The following KCTD16 variants were observed in gnomAD, a reference collection of about 807,000 sequenced individuals.
KCTD16 encodes BTB/POZ domain-containing protein KCTD16.
Under a neutral mutation model 33.2 loss-of-function variants are expected in KCTD16, and 13 were observed. The observed-to-expected ratio is 0.39, with a 90% CI of 0.25 to 0.62. The LOEUF is 0.62. Among genes scored for constraint, KCTD16 ranks in the 20% least tolerant of loss-of-function variants. The probability of loss-of-function intolerance (pLI) is 0.50; values close to 1 mark genes in which losing one functional copy is unlikely to be tolerated. For missense variants in KCTD16, 441 were observed against 525.1 expected, an observed-to-expected ratio of 0.84 and a Z score of 1.57; for synonymous variants, 197 against 195.3, an observed-to-expected ratio of 1.01 and a Z score of -0.07.
At chr5:144,318,389 C>T (rs1172004577) in intron 3 of KCTD16, among the ~76,000 whole-genome samples, 1 of 152,140 alleles carries the variant, frequency 6.6e-6, no homozygotes, top group Non-Finnish European at 1.5e-5. Context: ...AAGGGAATGT[C>T]TGTGTGACAG....
At chr5:144,293,273 G>T (rs1239538961) in intron 3 of KCTD16, among the ~76,000 whole-genome samples, 1 of 152,004 alleles carries the variant, frequency 6.6e-6, no homozygotes, top group Non-Finnish European at 1.5e-5. Context: ...TTAAAAACTT[G>T]TGTTATGATA....
intron 3 of KCTD16, among the ~76,000 whole-genome samples, chr5:144,278,077 G>A (rs1755487206): frequency 6.6e-6 from 1 of 152,066 alleles, no homozygotes; most frequent in Non-Finnish European, 1.5e-5. Context: ...TTTTGGTAGT[G>A]TATCTAAGAA....
intron 3 of KCTD16, among the ~76,000 whole-genome samples, chr5:144,265,391 G>A (rs144046528): frequency 1.3e-5 from 2 of 152,102 alleles, no homozygotes; most frequent in African/African-American, 2.4e-5. Context: ...TATTCATAAG[G>A]AGAATGACTA....
chr5:144,425,515 C>T (rs529332584), intron 3 of KCTD16, among the ~76,000 whole-genome samples: 35 of 152,018 alleles, frequency 2.3e-4, no homozygotes, highest in Non-Finnish European at 2.9e-4. Flanking sequence ...ACTCTACTCC[C>T]GCAAGTTTCT....
At chr5:144,205,279 G>C (rs965141350) in intron 2 of KCTD16, 3 of 337,228 alleles carry the variant, frequency 8.9e-6, no homozygotes, top group Non-Finnish European at 1.1e-5. Context: ...ACCTGTCACC[G>C]AGGAGGACGT....
intron 3 of KCTD16, among the ~76,000 whole-genome samples, chr5:144,417,371 T>C (rs982331129): frequency 6.6e-6 from 1 of 152,180 alleles, no homozygotes; most frequent in African/African-American, 2.4e-5. Context: ...TAATGACTAA[T>C]GAAATCAGGC....
intron 3 of KCTD16, among the ~76,000 whole-genome samples, chr5:144,236,497 C>A (rs566599624): frequency 2.6e-5 from 4 of 152,040 alleles, no homozygotes; most frequent in South Asian, 2.1e-4. Context: ...ATTAATTATA[C>A]CTACTAAAAA....
intron 3 of KCTD16, among the ~76,000 whole-genome samples, chr5:144,303,250 A>G (rs1751493336): frequency 6.6e-6 from 1 of 152,206 alleles, no homozygotes; most frequent in South Asian, 2.1e-4. Context: ...TATTAGAATT[A>G]TATCACTTCA....
chr5:144,233,411 G>A (rs1319024604), intron 3 of KCTD16, among the ~76,000 whole-genome samples: 1 of 152,014 alleles, frequency 6.6e-6, no homozygotes. Flanking sequence ...GTTTCCATCT[G>A]ATTTTTGTAA....
chr5:144,270,396 A>G (rs1335439032), intron 3 of KCTD16, among the ~76,000 whole-genome samples: 1 of 151,962 alleles, frequency 6.6e-6, no homozygotes, highest in Non-Finnish European at 1.5e-5. Context: ...GTAAAACTGG[A>G]AAACTCAAAA....
At chr5:144,289,717 C>T (rs1755842077) in intron 3 of KCTD16, among the ~76,000 whole-genome samples, 1 of 151,940 alleles carries the variant, frequency 6.6e-6, no homozygotes, top group African/African-American at 2.4e-5. Flanking sequence ...CTATCTATTT[C>T]AATGAAAATC....
chr5:144,289,866 A>T (rs750593578), intron 3 of KCTD16, among the ~76,000 whole-genome samples: 3 of 152,186 alleles, frequency 2.0e-5, no homozygotes, highest in Non-Finnish European at 2.9e-5. Flanking sequence ...CTGGAAATGC[A>T]TCTTATACCA....
Position 144,480,955 on chromosome 5 carries a change from A to T in KCTD16, c.*6841A>T, listed in dbSNP as rs968121061. 1 of 151,990 alleles carries T rather than the reference A, an allele frequency of 6.6e-6. No homozygotes were observed. Among genetic ancestry groups the T allele is most frequent in the African/African-American group, 2.4e-5 (1 of 41,414 alleles). The allele number at this position is 151,990 out of a possible 1,614,324, so 9.4% of individuals were successfully genotyped here. On this transcript the variant is annotated 3_prime_UTR_variant, in exon 4 of 4. Transcript: ENST00000512467. ...ACCAGTTTAAATGTGTATAGAAATTATATGTATGGAAATTATTTGAAGTTA... is the reference window on the plus strand; with the variant it reads ...ACCAGTTTAAATGTGTATAGAAATTTTATGTATGGAAATTATTTGAAGTTA...
intron 3 of KCTD16, among the ~76,000 whole-genome samples, chr5:144,350,710 A>C (rs541828283): frequency 6.6e-6 from 1 of 152,170 alleles, no homozygotes; most frequent in East Asian, 1.9e-4. Context: ...AGCATCAGGC[A>C]ATTTATATTT....
chr5:144,263,366 A>G (rs565557567), intron 3 of KCTD16, among the ~76,000 whole-genome samples: 24 of 152,286 alleles, frequency 1.6e-4, no homozygotes, highest in Non-Finnish European at 3.1e-4. Flanking sequence ...TATTATTATA[A>G]TTATTAAGTC....
At chr5:144,425,316 T>A (rs947951362) in intron 3 of KCTD16, among the ~76,000 whole-genome samples, 5 of 152,016 alleles carry the variant, frequency 3.3e-5, no homozygotes, top group African/African-American at 1.2e-4. Flanking sequence ...TAGAGATTGG[T>A]TCCCCAAGGC....
At chr5:144,449,011 T>C (rs1306415722) in intron 3 of KCTD16, among the ~76,000 whole-genome samples, 3 of 152,030 alleles carry the variant, frequency 2.0e-5, no homozygotes, top group African/African-American at 7.2e-5. Flanking sequence ...ATAGTAAAAA[T>C]TGTTACCTTT....
At chr5:144,227,559 G>T (rs1444801556) in intron 3 of KCTD16, among the ~76,000 whole-genome samples, 4 of 152,148 alleles carry the variant, frequency 2.6e-5, no homozygotes, top group East Asian at 1.9e-4. Context: ...GACAAGATTT[G>T]GCCTATTTTT....
chr5:144,255,207 T>C (rs1391309260), intron 3 of KCTD16, among the ~76,000 whole-genome samples: 1 of 152,240 alleles, frequency 6.6e-6, no homozygotes, highest in Non-Finnish European at 1.5e-5. Flanking sequence ...ACATTTTCTT[T>C]ATGCATTTTT....
Sources: allele counts gnomAD v4.1 joint callset (sites outside exome capture counted in the v4.1 genomes callset), GRCh38; gene constraint gnomAD v4.1.1; transcripts MANE v1.5; gene names NCBI Gene and HGNC (gene_info 2026-07-23, HGNC 2026-07-21).